Variants in ST6GALNAC3 observed in about 807,000 individuals in gnomAD.
The protein encoded by ST6GALNAC3 is alpha-N-acetylgalactosaminide alpha-2,6-sialyltransferase 3.
In ST6GALNAC3, 25 loss-of-function variants were observed where a neutral mutation model predicts 32.7. The observed-to-expected ratio is 0.76, with a 90% CI of 0.56 to 1.07. ST6GALNAC3 has a LOEUF of 1.07. Among genes scored for constraint, ST6GALNAC3 ranks in the 50% least tolerant of loss-of-function variants. ST6GALNAC3 has a pLI of 0.00. For missense variants in ST6GALNAC3, 355 were observed against 382.4 expected, an observed-to-expected ratio of 0.93 and a Z score of 0.60; for synonymous variants, 129 against 133.1, an observed-to-expected ratio of 0.97 and a Z score of 0.21.
intron 3 of ST6GALNAC3, among the ~76,000 whole-genome samples, chr1:76,502,535 A>G (rs1216449539): frequency 2.0e-5 from 3 of 152,204 alleles, no homozygotes; most frequent in Non-Finnish European, 2.9e-5. Flanking sequence ...TCTTTTCACT[A>G]TATCTCTTCA....
chr1:76,496,967 A>G (rs765966334), intron 3 of ST6GALNAC3, among the ~76,000 whole-genome samples: 118 of 152,260 alleles, frequency 7.7e-4, no homozygotes, highest in Middle Eastern at 3.4e-3. Context: ...GCTTCTTCAA[A>G]TAGGTGAAGA....
intron 3 of ST6GALNAC3, among the ~76,000 whole-genome samples, chr1:76,486,344 A>G (rs1453369398): frequency 6.6e-6 from 1 of 151,934 alleles, no homozygotes; most frequent in Non-Finnish European, 1.5e-5. Context: ...TCCCATTATT[A>G]TTGTGTGGGA....
chr1:76,329,286 T>C (rs947410059), intron 2 of ST6GALNAC3, among the ~76,000 whole-genome samples: 7 of 152,190 alleles, frequency 4.6e-5, no homozygotes, highest in African/African-American at 1.7e-4. Flanking sequence ...GCAGGCTACA[T>C]AGTCATGCCC....
chr1:76,525,791 G>GTGTATATATATA (rs1438917629), intron 3 of ST6GALNAC3, among the ~76,000 whole-genome samples: 782 of 75,262 alleles, frequency 0.01, 25 homozygotes, highest in Non-Finnish European at 0.016. Flanking sequence ...GTGTGTGTGT[G>GTGTATATATATA]TATATATATA....
At chr1:76,327,849 CAA>C (rs1359699392) in intron 2 of ST6GALNAC3, among the ~76,000 whole-genome samples, 1 of 152,094 alleles carries the variant, frequency 6.6e-6, no homozygotes, top group African/African-American at 2.4e-5. Context: ...TTCAGCCTCT[CAA>C]AGTGTTGGGA....
At chr1:76,600,210 C>T (rs549072771) in intron 3 of ST6GALNAC3, among the ~76,000 whole-genome samples, 28 of 152,206 alleles carry the variant, frequency 1.8e-4, no homozygotes, top group Non-Finnish European at 3.1e-4. Flanking sequence ...ATAAGAGTCA[C>T]AGTCTATACA....
intron 1 of ST6GALNAC3, among the ~76,000 whole-genome samples, chr1:76,161,439 C>T (rs1019413753): frequency 2.6e-5 from 4 of 152,190 alleles, no homozygotes; most frequent in African/African-American, 9.7e-5. Context: ...TGCTTGCTTC[C>T]CTGCCGCTCC....
intron 3 of ST6GALNAC3, among the ~76,000 whole-genome samples, chr1:76,585,609 A>C (rs1328076990): frequency 6.6e-6 from 1 of 152,120 alleles, no homozygotes; most frequent in Non-Finnish European, 1.5e-5. Flanking sequence ...CCAGATCCAC[A>C]GTTGAGGGCC....
intron 1 of ST6GALNAC3, among the ~76,000 whole-genome samples, chr1:76,221,433 G>T (rs1447923299): frequency 6.6e-6 from 1 of 152,060 alleles, no homozygotes; most frequent in Non-Finnish European, 1.5e-5. Context: ...CATGGATCTG[G>T]TTGTGCCAAG....
chr1:76,238,411 C>A (rs980039031), intron 1 of ST6GALNAC3, among the ~76,000 whole-genome samples: 1 of 152,196 alleles, frequency 6.6e-6, no homozygotes, highest in African/African-American at 2.4e-5. Context: ...ATGCCAAATA[C>A]CAGGCAGGCC....
At chr1:76,624,489 A>G (rs866926692) in intron 3 of ST6GALNAC3, among the ~76,000 whole-genome samples, 2 of 151,946 alleles carry the variant, frequency 1.3e-5, no homozygotes, top group African/African-American at 4.8e-5. Context: ...AGAATGAGTC[A>G]GGAGAGCTTG....
chr1:76,326,826 G>GTT lies in ST6GALNAC3; in HGVS notation c.213+12843_213+12844dup, dbSNP rs11331532. On this transcript the variant is annotated intron_variant, in intron 2 of 4. Coordinates refer to ENST00000328299, the MANE Select transcript of ST6GALNAC3 (RefSeq NM_152996.4). The stretch of plus-strand genomic sequence containing the variant: ...TCTAATTAAGTTCTGGAAGTTTTGG[G>GTT]TTTTTTTTTTTTTTTTTGCATTGTT... 6.8e-3 allele frequency among the ~76,000 whole-genome samples: 766 copies of GTT among 113,368 alleles called. 16 individuals carry two copies. Among genetic ancestry groups the GTT allele is most frequent in the East Asian group, 0.045 (169 of 3,722 alleles). The allele number at this position is 113,368 out of a possible 152,430, so 74.4% of individuals were successfully genotyped here.
At chr1:76,186,579 T>C (rs924717697) in intron 1 of ST6GALNAC3, among the ~76,000 whole-genome samples, 1 of 152,116 alleles carries the variant, frequency 6.6e-6, no homozygotes, top group African/African-American at 2.4e-5. Flanking sequence ...GGAATGCAGG[T>C]CCGTCTTTGT....
chr1:76,303,711 G>A (rs1320200297), intron 1 of ST6GALNAC3, among the ~76,000 whole-genome samples: 1 of 152,004 alleles, frequency 6.6e-6, no homozygotes, highest in African/African-American at 2.4e-5. Context: ...TCAGACAAGA[G>A]TTGATTATCT....
chr1:76,492,691 C>T (rs759580712), intron 3 of ST6GALNAC3, among the ~76,000 whole-genome samples: 3 of 152,012 alleles, frequency 2.0e-5, no homozygotes, highest in Non-Finnish European at 4.4e-5. Context: ...ACGTACAAGC[C>T]CACCCTGAGG....
intron 3 of ST6GALNAC3, among the ~76,000 whole-genome samples, chr1:76,468,186 C>T (rs1443129170): frequency 6.6e-6 from 1 of 151,582 alleles, no homozygotes; most frequent in African/African-American, 2.4e-5. Flanking sequence ...TAGTGTTTGC[C>T]CATATGTAAA....
chr1:76,195,702 G>T (rs1343659755), intron 1 of ST6GALNAC3, among the ~76,000 whole-genome samples: 1 of 152,224 alleles, frequency 6.6e-6, no homozygotes, highest in Non-Finnish European at 1.5e-5. Flanking sequence ...TTCTCACAAA[G>T]ACAGTTTTGA....
intron 1 of ST6GALNAC3, among the ~76,000 whole-genome samples, chr1:76,116,798 G>A (rs1648513479): frequency 6.6e-6 from 1 of 152,168 alleles, no homozygotes. Flanking sequence ...CGGGCCTGGT[G>A]GCATGTGCCT....
At chr1:76,149,235 CAT>C (rs959649549) in intron 1 of ST6GALNAC3, among the ~76,000 whole-genome samples, 20 of 152,166 alleles carry the variant, frequency 1.3e-4, no homozygotes, top group South Asian at 4.1e-4. Flanking sequence ...GATAGACAGA[CAT>C]GTGGGGTTTT....
Sources: allele counts gnomAD v4.1 joint callset (sites outside exome capture counted in the v4.1 genomes callset), GRCh38; gene constraint gnomAD v4.1.1; transcripts MANE v1.5; gene names NCBI Gene and HGNC (gene_info 2026-07-23, HGNC 2026-07-21).